Variants in HACE1 observed in about 807,000 individuals in gnomAD.
HACE1 encodes the protein E3 ubiquitin-protein ligase HACE1.
Under a neutral mutation model 118.4 loss-of-function variants are expected in HACE1, and 73 were observed. The ratio of observed to expected loss-of-function variants is 0.62; its 90% confidence interval spans 0.51 to 0.75. HACE1 has a LOEUF of 0.75. Ranked by LOEUF, HACE1 falls within the 30% of genes least tolerant of loss-of-function variation. HACE1 has a pLI of 0.00. For synonymous variants in HACE1, 368 were observed against 374.8 expected, an observed-to-expected ratio of 0.98 and a Z score of 0.21; for missense variants, 749 against 1,102.2, an observed-to-expected ratio of 0.68 and a Z score of 4.54.
chr6:104,855,235 G>C (rs928298772), intron 1 of HACE1, among the ~76,000 whole-genome samples: 1 of 152,226 alleles, frequency 6.6e-6, no homozygotes, highest in Non-Finnish European at 1.5e-5. Context: ...ACAAGGTCAG[G>C]AGATCAAGAC....
At chr6:104,773,840 T>C (rs1228680857) in intron 17 of HACE1, among the ~76,000 whole-genome samples, 1 of 151,480 alleles carries the variant, frequency 6.6e-6, no homozygotes, top group Non-Finnish European at 1.5e-5. Flanking sequence ...AACTTGAAAA[T>C]TTTAAATAGA....
At chr6:104,738,658 T>A (rs955968369) in intron 22 of HACE1, among the ~76,000 whole-genome samples, 1 of 149,356 alleles carries the variant, frequency 6.7e-6, no homozygotes, top group African/African-American at 2.5e-5. Context: ...CCAAGAAATA[T>A]GGGACTATGT....
intron 19 of HACE1, among the ~76,000 whole-genome samples, chr6:104,765,491 C>A (rs1779895704): frequency 6.6e-6 from 1 of 152,208 alleles, no homozygotes; most frequent in Non-Finnish European, 1.5e-5. Flanking sequence ...GATATTTTAA[C>A]AGCAATATAG....
At chr6:104,857,024 G>A (rs1299153506) in intron 1 of HACE1, among the ~76,000 whole-genome samples, 1 of 151,828 alleles carries the variant, frequency 6.6e-6, no homozygotes, top group Non-Finnish European at 1.5e-5. Flanking sequence ...GATGCTTATT[G>A]ATTACTGAAT....
At chr6:104,739,725 T>C (rs1372592261) in intron 22 of HACE1, among the ~76,000 whole-genome samples, 1 of 150,546 alleles carries the variant, frequency 6.6e-6, no homozygotes, top group Non-Finnish European at 1.5e-5. Context: ...ATGGGAGACT[T>C]TAACACCCCA....
At chr6:104,832,967 C>T (rs1774156393) in intron 6 of HACE1, 75 bp downstream of exon 6, 4 of 1,335,450 alleles carry the variant, frequency 3.0e-6, no homozygotes, top group Non-Finnish European at 4.3e-6. Context: ...CAAATATGCA[C>T]AATGAAAAAC....
intron 14 of HACE1, among the ~76,000 whole-genome samples, chr6:104,777,760 AGTTGTT>A (rs919937235): frequency 1.3e-5 from 2 of 151,980 alleles, no homozygotes; most frequent in African/African-American, 4.8e-5. Flanking sequence ...TTATTGTTGT[AGTTGTT>A]GTTGTCATTT....
chr6:104,780,352 C>G, intron 14 of HACE1: 1 of 452,394 alleles, frequency 2.2e-6, no homozygotes, highest in South Asian at 1.6e-5. Flanking sequence ...TTCTAGAGTA[C>G]CTGCATTTCC....
chr6:104,768,973 T>C (rs1279823801), intron 19 of HACE1, among the ~76,000 whole-genome samples: 1 of 152,102 alleles, frequency 6.6e-6, no homozygotes, highest in Non-Finnish European at 1.5e-5. Flanking sequence ...AAAAATCATG[T>C]CATAGTAAGG....
intron 19 of HACE1, among the ~76,000 whole-genome samples, chr6:104,768,177 A>G (rs1322781304): frequency 6.6e-6 from 1 of 152,160 alleles, no homozygotes; most frequent in African/African-American, 2.4e-5. Flanking sequence ...CCTTTTAATA[A>G]AACTTGGGAA....
chr6:104,746,094 T>C (rs1421687627), intron 20 of HACE1, among the ~76,000 whole-genome samples: 1 of 152,226 alleles, frequency 6.6e-6, no homozygotes, highest in Non-Finnish European at 1.5e-5. Flanking sequence ...TCTGTTTTGT[T>C]CTGGAAAATG....
chr6:104,738,611 T>A (rs1000120767), intron 22 of HACE1, among the ~76,000 whole-genome samples: 3 of 147,144 alleles, frequency 2.0e-5, no homozygotes, highest in African/African-American at 7.8e-5. Flanking sequence ...GAAGGGAAGT[T>A]TAGAGAAAAA....
At position 104,791,491 on chromosome 6, in the gene HACE1, A is replaced by G; in HGVS notation, c.1074+13T>C. On this transcript the variant is annotated intron_variant, in intron 11 of 23. Transcript: ENST00000262903. Reference sequence around the variant, plus strand: ...ACGTCTATCTTCCTAACAATGCCATATACTTTTCTCACCTTGAACACCTGG... The same window carrying G: ...ACGTCTATCTTCCTAACAATGCCATGTACTTTTCTCACCTTGAACACCTGG... 2 of 1,604,240 alleles carry G rather than the reference A, an allele frequency of 1.2e-6. No individual in the cohort carries two copies. The highest frequency in any genetic ancestry group is 1.7e-6 in the Non-Finnish European group (2 of 1,171,136).
intron 6 of HACE1, among the ~76,000 whole-genome samples, chr6:104,828,824 A>G (rs1773581620): frequency 6.6e-6 from 1 of 152,054 alleles, no homozygotes; most frequent in Non-Finnish European, 1.5e-5. Context: ...TAAAAAATGT[A>G]ATATAAATTT....
chr6:104,857,195 A>ATATATT (rs1376970221), intron 1 of HACE1, among the ~76,000 whole-genome samples: 2 of 142,550 alleles, frequency 1.4e-5, no homozygotes, highest in Non-Finnish European at 3.1e-5. Context: ...ATTTACATAT[A>ATATATT]TATTTACATA....
chr6:104,827,489 G>A (rs1004867380), intron 6 of HACE1, among the ~76,000 whole-genome samples: 4 of 151,942 alleles, frequency 2.6e-5, no homozygotes, highest in Admixed American at 6.6e-5. Context: ...CATAGTATCC[G>A]GCAAAAATCA....
chr6:104,817,084 T>A (rs1397681046), intron 6 of HACE1, among the ~76,000 whole-genome samples: 1 of 152,226 alleles, frequency 6.6e-6, no homozygotes, highest in African/African-American at 2.4e-5. Flanking sequence ...CAGAAGGGAC[T>A]TATCTGTCTC....
intron 2 of HACE1, among the ~76,000 whole-genome samples, chr6:104,851,501 T>C (rs999572822): frequency 2.0e-5 from 3 of 152,204 alleles, no homozygotes. Flanking sequence ...ACCAATAAGC[T>C]GGTGCTGAAG....
In HACE1 at chr6:104,744,328, C is replaced by G. The variant is rs143370136; in HGVS notation, c.2443-98G>C. On this transcript the variant is annotated intron_variant, in intron 21 of 23. Coordinates refer to ENST00000262903, the MANE Select transcript of HACE1 (RefSeq NM_020771.4). The stretch of plus-strand genomic sequence containing the variant: ...CAATATTCATAAAGCACATTTTATT[C>G]TACAAAACTCGTTTACCAAAAATGA... 11 of 896,360 alleles carry G rather than the reference C, an allele frequency of 1.2e-5. No individual in the cohort carries two copies. In the African/African-American group the frequency reaches 1.8e-4, roughly 15 times the overall value. The allele number at this position is 896,360 out of a possible 1,614,324, so 55.5% of individuals were successfully genotyped here.
Sources: allele counts gnomAD v4.1 joint callset (sites outside exome capture counted in the v4.1 genomes callset), GRCh38; gene constraint gnomAD v4.1.1; transcripts MANE v1.5; gene names NCBI Gene and HGNC (gene_info 2026-07-23, HGNC 2026-07-21).